The following SLC38A6 variants were observed in gnomAD, a reference collection of about 807,000 sequenced individuals.
The protein encoded by SLC38A6 is solute carrier family 38 member 6.
A neutral mutation model predicts 65.0 loss-of-function variants in SLC38A6; 73 were observed. That is an observed-to-expected ratio of 1.12 (90% CI 0.93 to 1.37). The LOEUF (loss-of-function observed/expected upper bound fraction) is 1.37. Ranked by LOEUF, SLC38A6 falls within the 40% of genes most tolerant of loss-of-function variation. The pLI is 0.00. For missense variants in SLC38A6, 561 were observed against 531.1 expected (o/e 1.06, Z -0.55); for synonymous variants, 183 against 178.8 (o/e 1.02, Z -0.19).
intron 3 of SLC38A6, among the ~76,000 whole-genome samples, chr14:61,006,332 T>C (rs1026312554): frequency 6.6e-6 from 1 of 151,994 alleles, no homozygotes; most frequent in African/African-American, 2.4e-5. Context: ...ACAAATGAGA[T>C]CTAATTAAAC....
intron 16 of SLC38A6, chr14:61,083,453 G>A: frequency 2.7e-6 from 4 of 1,461,218 alleles, no homozygotes; most frequent in Non-Finnish European, 3.6e-6. Flanking sequence ...CAGGACCTCA[G>A]AATGCAACTG....
intron 3 of SLC38A6, among the ~76,000 whole-genome samples, chr14:61,005,542 A>G (rs979258601): frequency 5.9e-5 from 9 of 151,624 alleles, no homozygotes; most frequent in African/African-American, 2.2e-4. Flanking sequence ...CCAATAACAG[A>G]CAAACAGAGA....
chr14:61,004,277 T>C, intron 3 of SLC38A6: 1 of 152,174 alleles, frequency 6.6e-6, no homozygotes, highest in Non-Finnish European at 1.5e-5. Flanking sequence ...TGCATAAAAA[T>C]AAGACATACT....
downstream of SLC38A6, among the ~76,000 whole-genome samples, chr14:61,053,201 A>C (rs748871083): frequency 5.9e-5 from 9 of 152,158 alleles, no homozygotes; most frequent in Non-Finnish European, 1.3e-4. Flanking sequence ...TGCAAAAGAC[A>C]TGATCTTATT....
chr14:61,019,314 A>G (rs1247428237), intron 4 of SLC38A6, among the ~76,000 whole-genome samples: 1 of 152,204 alleles, frequency 6.6e-6, no homozygotes, highest in Non-Finnish European at 1.5e-5. Flanking sequence ...CTGCCAAGAA[A>G]AATTTCAAAA....
chr14:61,036,960 CTGTGTGTGTGTGTGTGTGTG>C lies in SLC38A6; in HGVS notation c.483-71_483-52del, dbSNP rs34977105. On this transcript the variant is annotated intron_variant, in intron 6 of 15. Transcript: ENST00000267488. ...ATAGCTGGTTGTAATGGTTATAACT[CTGTGTGTGTGTGTGTGTGTG>C]TGTGTGTGTGTGTGTGTGTGTGTGT... 368 of 438,362 alleles carry C rather than the reference CTGTGTGTGTGTGTGTGTGTG, an allele frequency of 8.4e-4. 2 individuals carry two copies. The highest frequency in any genetic ancestry group is 7.8e-3 in the African/African-American group (343 of 43,794). The allele number at this position is 438,362 out of a possible 1,614,324, so 27.2% of individuals were successfully genotyped here. A position where few individuals can be genotyped will look rare whatever the true frequency, so the allele number is the denominator to read the frequency against.
chr14:61,065,688 C>G (rs1274544973), intron 15 of SLC38A6, among the ~76,000 whole-genome samples: 1 of 152,154 alleles, frequency 6.6e-6, no homozygotes, highest in Non-Finnish European at 1.5e-5. Flanking sequence ...CCATTTGACC[C>G]TGAAATGATT....
At chr14:61,033,242 A>G (rs1229405905) in intron 6 of SLC38A6, among the ~76,000 whole-genome samples, 3 of 152,002 alleles carry the variant, frequency 2.0e-5, no homozygotes, top group Non-Finnish European at 4.4e-5. Context: ...CCTTTCGAGA[A>G]TGAAATTAAA....
chr14:61,035,246 A>G (rs898373057), intron 6 of SLC38A6, among the ~76,000 whole-genome samples: 4 of 152,194 alleles, frequency 2.6e-5, no homozygotes, highest in Admixed American at 2.6e-4. Context: ...TTGAGAAAAA[A>G]AAGCAAAGAA....
At chr14:61,073,301 G>A (rs1383273740) in intron 15 of SLC38A6, among the ~76,000 whole-genome samples, 1 of 152,136 alleles carries the variant, frequency 6.6e-6, no homozygotes, top group Non-Finnish European at 1.5e-5. Flanking sequence ...CAGATGGGTA[G>A]TTTGCAGATA....
At chr14:61,052,196 A>G in intron 15 of SLC38A6, 61 bp downstream of exon 15, 2 of 1,403,980 alleles carry the variant, frequency 1.4e-6, no homozygotes, top group Non-Finnish European at 1.9e-6. Flanking sequence ...TTGTCAGTTT[A>G]TATTATTTTA....
At chr14:61,000,525 G>A (rs1336664165) in intron 3 of SLC38A6, among the ~76,000 whole-genome samples, 1 of 152,174 alleles carries the variant, frequency 6.6e-6, no homozygotes, top group African/African-American at 2.4e-5. Flanking sequence ...CAGCTACTCG[G>A]GAGCCCGAGT....
rs2043504241 is a variant in SLC38A6 at position 61,078,364 on chromosome 14, G to A, written c.1291-446G>A. 3.3e-5 allele frequency among the ~76,000 whole-genome samples: 5 copies of A among 152,306 alleles called. No individual in the cohort carries two copies. In the South Asian group the frequency reaches 1.0e-3, roughly 32 times the overall value. ...TTTGGAAAGAAAATACTAACAATAT[G>A]TACAGGAAAATACAAGGTATACTTT... On this transcript the variant is annotated intron_variant, in intron 15 of 16. Transcript: ENST00000354886.
Position 61,019,571 on chromosome 14 carries a change from A to G in SLC38A6, c.394A>G (p.Asn132Asp). Residue 132 changes from asparagine to aspartate, a missense_variant, in exon 5 of 16, where the codon AAT (asparagine) becomes GAT (aspartate). Coordinates refer to ENST00000267488, the MANE Select transcript of SLC38A6 (RefSeq NM_153811.3). ...LVVAGTIIIQNIGAMSSYLLI... is the reference protein window; with the variant it reads ...LVVAGTIIIQDIGAMSSYLLI... Reference sequence around the variant, plus strand: ...GGTGGCAGGCACCATAATAATTCAGAATATTGGAGGTAAGCAATTGCAAGT... The same window carrying G: ...GGTGGCAGGCACCATAATAATTCAGGATATTGGAGGTAAGCAATTGCAAGT... 1 of 1,613,460 alleles carries G rather than the reference A, an allele frequency of 6.2e-7. No homozygotes were observed. The highest frequency in any genetic ancestry group is 8.5e-7 in the Non-Finnish European group (1 of 1,179,526).
chr14:60,993,014 T>C (rs937570754), intron 3 of SLC38A6, among the ~76,000 whole-genome samples: 1 of 151,994 alleles, frequency 6.6e-6, no homozygotes, highest in African/African-American at 2.4e-5. Context: ...ATCCGGCTGA[T>C]TTTTGTATTT....
intron 3 of SLC38A6, 120 bp downstream of exon 3, chr14:60,984,923 T>A: frequency 1.1e-6 from 1 of 931,256 alleles, no homozygotes; most frequent in South Asian, 1.5e-5. Context: ...TTAGATAGGG[T>A]GATCGGAATG....
chr14:61,000,177 A>G (rs1291815080), intron 3 of SLC38A6, among the ~76,000 whole-genome samples: 1 of 152,226 alleles, frequency 6.6e-6, no homozygotes, highest in Non-Finnish European at 1.5e-5. Context: ...CCATTAACCA[A>G]TGTTTGTAGC....
chr14:61,079,551 C>T (rs1003972401), intron 16 of SLC38A6, among the ~76,000 whole-genome samples: 8 of 152,196 alleles, frequency 5.3e-5, no homozygotes, highest in African/African-American at 1.7e-4. Flanking sequence ...GAAGGACTTA[C>T]CTGACTATGA....
intron 12 of SLC38A6, among the ~76,000 whole-genome samples, chr14:61,050,108 G>A (rs906060349): frequency 6.6e-6 from 1 of 152,134 alleles, no homozygotes; most frequent in Non-Finnish European, 1.5e-5. Context: ...TGTGTTATGT[G>A]ATCTTAGGCA....
Sources: gnomAD v4.1 joint callset for allele counts (sites outside exome capture counted in the v4.1 genomes callset) on GRCh38, gnomAD v4.1.1 for gene constraint, MANE v1.5 for transcripts, NCBI Gene and HGNC (gene_info 2026-07-23, HGNC 2026-07-21) for gene names.